The following C8orf34 variants were observed in gnomAD, a reference collection of about 807,000 sequenced individuals.
The protein encoded by C8orf34 is chromosome 8 open reading frame 34.
C8orf34 carries 65 observed loss-of-function variants against 68.3 expected under a neutral mutation model. The observed-to-expected ratio is 0.95, with a 90% CI of 0.78 to 1.17. The LOEUF is 1.17. Among genes scored for constraint, C8orf34 ranks in the 50% most tolerant of loss-of-function variants. C8orf34 has a pLI of 0.00. For synonymous variants in C8orf34, 244 were observed against 241.2 expected (o/e 1.01, Z -0.11); for missense variants, 664 against 655.4 (o/e 1.01, Z -0.14).
rs113379656 is a variant in C8orf34, at chr8:68,681,484, A to G, written c.1242-27510A>G. Among the ~76,000 whole-genome samples, 207 of 152,278 alleles carry G rather than the reference A, an allele frequency of 1.4e-3. 1 individual carries two copies. The highest frequency in any genetic ancestry group is 4.8e-3 in the African/African-American group (201 of 41,558). On this transcript the variant is annotated intron_variant, in intron 8 of 13. Coordinates refer to ENST00000518698, the MANE Select transcript of C8orf34 (RefSeq NM_052958.4). ...GAGATGTTATCTTACCCCAGTTAAA[A>G]TGACTTTTATCCCAAAGATACCAGC...
rs1824333821 is a variant in C8orf34 at position 68,801,777 on chromosome 8, A to C, written c.1550-14109A>C. 2.0e-5 allele frequency among the ~76,000 whole-genome samples: 3 copies of C among 152,160 alleles called. No homozygotes were observed. In the South Asian group the frequency reaches 6.2e-4, roughly 32 times the overall value. On this transcript the variant is annotated intron_variant, in intron 12 of 13. Coordinates refer to ENST00000518698, the MANE Select transcript of C8orf34 (RefSeq NM_052958.4). ...ATGGAAAGAGGAAATACGATGCTTT[A>C]ATTTGAAGGGGATATGTTTAATAAG...
intron 7 of C8orf34, among the ~76,000 whole-genome samples, chr8:68,637,655 A>T (rs1818885358): frequency 6.6e-6 from 1 of 152,216 alleles, no homozygotes; most frequent in Non-Finnish European, 1.5e-5. Context: ...TAATTGGCTC[A>T]TCCTCCTATG....
intron 4 of C8orf34, among the ~76,000 whole-genome samples, chr8:68,484,817 G>T (rs1813006955): frequency 1.3e-5 from 2 of 151,984 alleles, no homozygotes; most frequent in South Asian, 2.1e-4. Context: ...TAAAAAAAAT[G>T]CCCTAGGCAA....
rs76795418 is a variant in C8orf34 at position 68,489,007 on chromosome 8, G to A, written c.765+956G>A. Among the ~76,000 whole-genome samples the A allele has an allele frequency of 4.8e-3, 735 of 151,570 alleles. 10 individuals are homozygous for A. The highest frequency in any genetic ancestry group is 0.017 in the African/African-American group (696 of 41,314). Reference sequence around the variant, plus strand: ...ATTTACGTTTTTTTTTAAAATAGCAGTGATTAAACCATTACCTTAACACAA... The same window carrying A: ...ATTTACGTTTTTTTTTAAAATAGCAATGATTAAACCATTACCTTAACACAA... On this transcript the variant is annotated intron_variant, in intron 5 of 13. Coordinates refer to ENST00000518698, the MANE Select transcript of C8orf34 (RefSeq NM_052958.4).
chr8:68,347,452 T>C (rs1039567896), intron 1 of C8orf34, among the ~76,000 whole-genome samples: 3 of 152,132 alleles, frequency 2.0e-5, no homozygotes, highest in African/African-American at 7.2e-5. Flanking sequence ...TATGGTAGAA[T>C]GATTTCTATT....
At chr8:68,397,591 G>T (rs911453745) in intron 1 of C8orf34, among the ~76,000 whole-genome samples, 2 of 151,918 alleles carry the variant, frequency 1.3e-5, no homozygotes, top group Admixed American at 6.6e-5. Flanking sequence ...TATTATCATT[G>T]AACTTTTAGG....
At chr8:68,715,163 C>T (rs1257991688) in intron 9 of C8orf34, among the ~76,000 whole-genome samples, 1 of 152,030 alleles carries the variant, frequency 6.6e-6, no homozygotes, top group Non-Finnish European at 1.5e-5. Flanking sequence ...GACCTGAAAC[C>T]ATAAAAGTTC....
intron 10 of C8orf34, among the ~76,000 whole-genome samples, chr8:68,771,284 C>A (rs1823327848): frequency 6.6e-6 from 1 of 152,128 alleles, no homozygotes; most frequent in Non-Finnish European, 1.5e-5. Context: ...ATAGTAGTTG[C>A]TGCCTATAGA....
At chr8:68,532,855 T>G (rs1448172700) in intron 6 of C8orf34, 128 bp from the exon 7 acceptor site, 2 of 632,340 alleles carry the variant, frequency 3.2e-6, no homozygotes, top group African/African-American at 3.8e-5. Flanking sequence ...AAGATGATAT[T>G]TCCATTATCC....
At chr8:68,707,075 A>C (rs779025819) in intron 8 of C8orf34, among the ~76,000 whole-genome samples, 1 of 152,108 alleles carries the variant, frequency 6.6e-6, no homozygotes, top group Non-Finnish European at 1.5e-5. Flanking sequence ...AAAAAACAAA[A>C]AGCAATTTAA....
intron 10 of C8orf34, among the ~76,000 whole-genome samples, chr8:68,771,163 C>T (rs1823324350): frequency 6.6e-6 from 1 of 152,146 alleles, no homozygotes; most frequent in Non-Finnish European, 1.5e-5. Flanking sequence ...TTATTGGATA[C>T]ATCAATAATT....
chr8:68,468,970 C>T (rs1045912682), intron 4 of C8orf34, 150 bp downstream of exon 4: 34 of 824,388 alleles, frequency 4.1e-5, no homozygotes, highest in Non-Finnish European at 6.2e-5. Flanking sequence ...TGGAAAGGAA[C>T]TTGATTTTGC....
At chr8:68,411,923 T>G (rs1809460553) in intron 1 of C8orf34, among the ~76,000 whole-genome samples, 2 of 152,202 alleles carry the variant, frequency 1.3e-5, no homozygotes, top group African/African-American at 4.8e-5. Context: ...TATTAGAATG[T>G]GAAGCCTTTG....
chr8:68,506,291 A>G (rs1340750101), intron 5 of C8orf34, among the ~76,000 whole-genome samples: 1 of 152,150 alleles, frequency 6.6e-6, no homozygotes, highest in Non-Finnish European at 1.5e-5. Flanking sequence ...AATTTTTTTA[A>G]CTCCTGATCC....
chr8:68,349,191 T>C (rs947594414), intron 1 of C8orf34, among the ~76,000 whole-genome samples: 1 of 152,094 alleles, frequency 6.6e-6, no homozygotes, highest in African/African-American at 2.4e-5. Context: ...GGAAGGAGTA[T>C]TGAATTTTAT....
intron 10 of C8orf34, among the ~76,000 whole-genome samples, chr8:68,764,303 C>T (rs1346076785): frequency 6.6e-6 from 1 of 152,160 alleles, no homozygotes; most frequent in Non-Finnish European, 1.5e-5. Flanking sequence ...CCTTCTAAGT[C>T]TGATGGAAAG....
intron 1 of C8orf34, among the ~76,000 whole-genome samples, chr8:68,423,248 C>T (rs145376649): frequency 1.8e-4 from 28 of 152,214 alleles, no homozygotes; most frequent in Non-Finnish European, 3.1e-4. Flanking sequence ...GTTCTGTTTC[C>T]TCTTGAATGC....
chr8:68,409,981 T>C (rs1205031753), intron 1 of C8orf34, among the ~76,000 whole-genome samples: 1 of 152,194 alleles, frequency 6.6e-6, no homozygotes, highest in African/African-American at 2.4e-5. Flanking sequence ...GGCCATGCCA[T>C]ACAGCCTAGG....
chr8:68,762,342 A>G (rs1209949905), intron 10 of C8orf34, among the ~76,000 whole-genome samples: 1 of 152,198 alleles, frequency 6.6e-6, no homozygotes, highest in Non-Finnish European at 1.5e-5. Context: ...GATGATTTAC[A>G]TTTAACTTTC....
Sources: gnomAD v4.1 joint callset for allele counts (sites outside exome capture counted in the v4.1 genomes callset) on GRCh38, gnomAD v4.1.1 for gene constraint, MANE v1.5 for transcripts, NCBI Gene and HGNC (gene_info 2026-07-23, HGNC 2026-07-21) for gene names.